UVSSA: variants seen among roughly 807,000 people sequenced by gnomAD.
UVSSA encodes the protein UV stimulated scaffold protein A, also known as UV-stimulated scaffold protein A.
In UVSSA, 72 loss-of-function variants were observed where a neutral mutation model predicts 73.9. That is an observed-to-expected ratio of 0.97 (90% CI 0.81 to 1.19). The LOEUF is 1.19. UVSSA is among the 50% of genes most tolerant of loss of function. The pLI is 0.00. For missense variants in UVSSA, 1,150 were observed against 965.0 expected (o/e 1.19, Z -2.54); for synonymous variants, 454 against 391.3 (o/e 1.16, Z -1.89).
At chr4:1,372,070 T>C (rs6832148) in intron 8 of UVSSA, among the ~76,000 whole-genome samples, 118,230 of 152,180 alleles carry the variant, frequency 0.78, 46,213 homozygotes, top group African/African-American at 0.85. Context: ...TTCCTTTTTT[T>C]ACCCTCCTAT....
chr4:1,376,156 G>A lies in UVSSA; in HGVS notation c.1556G>A (p.Gly519Glu), dbSNP rs1383009793. 2 of 1,610,050 alleles carry A rather than the reference G, an allele frequency of 1.2e-6. No homozygotes were observed. Among genetic ancestry groups the A allele is most frequent in the Non-Finnish European group, 1.7e-6 (2 of 1,178,526 alleles). ...TGGGGCCAGGAGCTCCCCACAGCCGGGAAGATTGTCAAGTGAGTCCCCATG... is the reference window on the plus strand; with the variant it reads ...TGGGGCCAGGAGCTCCCCACAGCCGAGAAGATTGTCAAGTGAGTCCCCATG... ...HYWGQELPTA[G>E]KIVKSDSQHR... The change falls in exon 10 of 14, where the codon GGG becomes GAG. Residue 519 changes from glycine (G) to glutamate (E), a missense_variant. Physicochemically the swap from Gly to Glu is moderately conservative, Grantham distance 98. Coordinates refer to ENST00000389851, the MANE Select transcript of UVSSA (RefSeq NM_020894.4).
At chr4:1,346,331 T>TC (rs1177215776), upstream of UVSSA, among the ~76,000 whole-genome samples, 2 of 151,926 alleles carry the variant, frequency 1.3e-5, no homozygotes, top group Non-Finnish European at 2.9e-5. Flanking sequence ...GGGAGCCCAG[T>TC]CGGGCGTCTG....
intron 8 of UVSSA, among the ~76,000 whole-genome samples, chr4:1,371,649 G>T (rs1169362210): frequency 3.3e-5 from 5 of 152,202 alleles, no homozygotes; most frequent in African/African-American, 1.2e-4. Context: ...AACGTGGATG[G>T]CAGCAGGCAG....
At chr4:1,395,904 T>G in exon 14 of UVSSA, 1 of 1,585,384 alleles carries the variant, frequency 6.3e-7, no homozygotes, top group Non-Finnish European at 8.6e-7. Flanking sequence ...AAAATTGAAT[T>G]CAGGACTGAT....
chr4:1,385,341 C>G (rs2109319810), intron 13 of UVSSA: 1 of 160,768 alleles, frequency 6.2e-6, no homozygotes, highest in African/African-American at 2.4e-5. Flanking sequence ...GCTCCACACC[C>G]TCGTGGGTCG....
At chr4:1,371,669 T>C (rs1278150904) in intron 8 of UVSSA, among the ~76,000 whole-genome samples, 1 of 152,170 alleles carries the variant, frequency 6.6e-6, no homozygotes, top group African/African-American at 2.4e-5. Flanking sequence ...GGGAGAGGGC[T>C]TGTGCGGAGA....
chr4:1,376,113 G>A lies in UVSSA; in HGVS notation c.1513G>A (p.Gly505Ser), dbSNP rs775941615. ...GGCCCGGGCGCCTGTGGTGCCCTAC[G>A]GCGTGGACCTGCACTACTGGGGCCA... ...ERARAPVVPYGVDLHYWGQEL... is the reference protein window; with the variant it reads ...ERARAPVVPYSVDLHYWGQEL... The change falls in exon 10 of 14, where the codon GGC becomes AGC. Residue 505 changes from glycine to serine, a missense_variant. Physicochemically the swap from Gly to Ser is moderately conservative, Grantham distance 56 (BLOSUM62 0). Coordinates refer to ENST00000389851, the MANE Select transcript of UVSSA (RefSeq NM_020894.4). 2.8e-5 allele frequency: 45 copies of A among 1,608,220 alleles called. No individual in the cohort carries two copies. In the East Asian group the frequency reaches 4.0e-4, roughly 14 times the overall value.
chr4:1,394,159 C>A, exon 14 of UVSSA: 1 of 415,398 alleles, frequency 2.4e-6, no homozygotes, highest in Non-Finnish European at 4.4e-6. Context: ...AGGTTCCTCT[C>A]GGGCACACAC....
At position 1,353,083 on chromosome 4, in the gene UVSSA, C is replaced by G; in HGVS notation, c.604C>G (p.Leu202Val). The part of the protein sequence containing the change: ...CLTEVESCFR[L>V]LVPFDFDPNP... ...GACGGAGGTAGAGAGCTGCTTTAGG[C>G]TGCTGGTGCCTTTTGACTTTGACCC... The change falls in exon 5 of 14, where the codon CTG (leucine) becomes GTG (valine). Residue 202 changes from leucine to valine, a missense_variant. Physicochemically the swap from Leu to Val is conservative, Grantham distance 32 (BLOSUM62 1). Transcript: ENST00000389851. 1 of 1,613,036 alleles carries G rather than the reference C, an allele frequency of 6.2e-7. No individual in the cohort carries two copies. The highest frequency in any genetic ancestry group is 8.5e-7 in the Non-Finnish European group (1 of 1,179,984).
rs1025189714 is a variant in UVSSA, at chr4:1,365,080, G to A, written c.1177-1240G>A. On this transcript the variant is annotated intron_variant, in intron 7 of 13. Transcript: ENST00000389851. ...AGCTTGCCCACAGCCGCTTCTGAGC[G>A]CGTGGATGGAGCAGTTGATGCCCAC... Among the ~76,000 whole-genome samples, 10 of 152,234 alleles carry A rather than the reference G, an allele frequency of 6.6e-5. No individual in the cohort carries two copies. In the East Asian group the frequency reaches 1.2e-3, roughly 18 times the overall value.
chr4:1,347,860 ACGGG>A (rs1713953397), intron 1 of UVSSA, 100 bp downstream of exon 1: 6 of 509,204 alleles, frequency 1.2e-5, no homozygotes, highest in Non-Finnish European at 2.1e-5. Flanking sequence ...CGTCCCACAC[ACGGG>A]ATTGTAGAGG....
Position 1,366,422 on chromosome 4 carries a change from C to T in UVSSA, c.1279C>T (p.Pro427Ser), listed in dbSNP as rs1467323795. ...YEPHIPDHLR[P>S]EYGLEAAPEK... is the part of the protein sequence containing the mutation. The stretch of plus-strand genomic sequence containing the variant: ...GCCACACATCCCCGACCACTTGCGG[C>T]CTGAGTATGGTGAGCAGTGGGTCCC... The change falls in exon 8 of 14, where the codon CCT becomes TCT. Residue 427 changes from proline (P) to serine (S), a missense_variant. Physicochemically the swap from Pro to Ser is moderately conservative, Grantham distance 74. Coordinates refer to ENST00000389851, the MANE Select transcript of UVSSA (RefSeq NM_020894.4). The T allele has an allele frequency of 1.1e-5, 17 of 1,610,226 alleles. No homozygotes were observed. Among genetic ancestry groups the T allele is most frequent in the Non-Finnish European group, 1.4e-5 (17 of 1,178,210 alleles).
chr4:1,393,574 T>TAGATAGA (rs139687679), exon 14 of UVSSA: 11 of 147,702 alleles, frequency 7.4e-5, no homozygotes, highest in African/African-American at 2.5e-4. Flanking sequence ...GATAGATAGA[T>TAGATAGA]TAGATAGATA....
At chr4:1,388,269 T>G (rs1420759543), downstream of UVSSA, 2 of 152,258 alleles carry the variant, frequency 1.3e-5, no homozygotes, top group African/African-American at 4.8e-5. Context: ...TTTTCCAAAT[T>G]TCACTTTGGG....
intron 7 of UVSSA, among the ~76,000 whole-genome samples, chr4:1,362,489 G>C (rs1489429270): frequency 6.6e-6 from 1 of 152,216 alleles, no homozygotes; most frequent in Non-Finnish European, 1.5e-5. Context: ...GCCAGGTCGG[G>C]GTAAAAGCAG....
At chr4:1,349,203 T>C (rs1184168999) in intron 2 of UVSSA, among the ~76,000 whole-genome samples, 1 of 151,770 alleles carries the variant, frequency 6.6e-6, no homozygotes, top group Non-Finnish European at 1.5e-5. Context: ...TGTAGGTGGA[T>C]AGATGGGCGA....
At chr4:1,368,849 C>T (rs1042592370) in intron 8 of UVSSA, among the ~76,000 whole-genome samples, 1 of 152,252 alleles carries the variant, frequency 6.6e-6, no homozygotes, top group African/African-American at 2.4e-5. Flanking sequence ...AGCTGGTGCA[C>T]TGGCGGCTGG....
chr4:1,362,219 G>A (rs932797299), intron 7 of UVSSA, among the ~76,000 whole-genome samples: 2 of 152,236 alleles, frequency 1.3e-5, no homozygotes, highest in Non-Finnish European at 2.9e-5. Flanking sequence ...AGGCCGGAGT[G>A]CTCCTGCCCG....
intron 7 of UVSSA, among the ~76,000 whole-genome samples, chr4:1,359,632 C>T (rs1051677463): frequency 6.6e-6 from 1 of 152,038 alleles, no homozygotes; most frequent in African/African-American, 2.4e-5. Context: ...TGTTTTTGTT[C>T]TCGCCGATGT....
Sources: allele counts gnomAD v4.1 joint callset (sites outside exome capture counted in the v4.1 genomes callset), GRCh38; gene constraint gnomAD v4.1.1; transcripts MANE v1.5; gene names NCBI Gene and HGNC (gene_info 2026-07-23, HGNC 2026-07-21).